Variants in CPQ observed in about 807,000 individuals in gnomAD.
CPQ encodes carboxypeptidase Q.
CPQ carries 37 observed loss-of-function variants against 45.7 expected under a neutral mutation model. The ratio of observed to expected loss-of-function variants is 0.81; its 90% confidence interval spans 0.62 to 1.07. The LOEUF (loss-of-function observed/expected upper bound fraction) is 1.07. Ranked by LOEUF, CPQ falls within the 50% of genes least tolerant of loss-of-function variation. The pLI, the probability that CPQ is intolerant of heterozygous loss-of-function variation, is 0.00. For synonymous variants in CPQ, 186 were observed against 205.8 expected, an observed-to-expected ratio of 0.90 and a Z score of 0.82; for missense variants, 537 against 572.9, an observed-to-expected ratio of 0.94 and a Z score of 0.64.
intron 6 of CPQ, among the ~76,000 whole-genome samples, chr8:97,056,109 C>T (rs9297274): frequency 0.021 from 2,757 of 133,432 alleles, 77 homozygotes; most frequent in African/African-American, 0.093. Context: ...AAAACACACA[C>T]ACACACACAC....
chr8:97,088,402 T>C (rs1465333178), intron 7 of CPQ, among the ~76,000 whole-genome samples: 2 of 152,352 alleles, frequency 1.3e-5, no homozygotes, highest in Admixed American at 1.3e-4. Context: ...TCATGTTGTT[T>C]GGTTCTATAT....
chr8:97,071,370 C>A (rs1475738484), intron 7 of CPQ, among the ~76,000 whole-genome samples: 4 of 152,118 alleles, frequency 2.6e-5, no homozygotes, highest in Non-Finnish European at 5.9e-5. Context: ...ATTTCATCTG[C>A]AAAATAAGTC....
intron 1 of CPQ, among the ~76,000 whole-genome samples, chr8:96,648,614 A>G (rs12677467): frequency 1.3e-5 from 2 of 152,206 alleles, no homozygotes; most frequent in Non-Finnish European, 1.5e-5. Flanking sequence ...ATGAATGAGA[A>G]CAAATCTAAA....
At chr8:96,744,162 G>T (rs549369703) in intron 1 of CPQ, among the ~76,000 whole-genome samples, 1 of 152,260 alleles carries the variant, frequency 6.6e-6, no homozygotes, top group Non-Finnish European at 1.5e-5. Flanking sequence ...AGCCAGGTGC[G>T]GGATATAATC....
intron 4 of CPQ, among the ~76,000 whole-genome samples, chr8:96,920,908 A>C (rs1347243730): frequency 6.6e-6 from 1 of 152,122 alleles, no homozygotes; most frequent in East Asian, 1.9e-4. Context: ...TGTTTAAGCC[A>C]CCCTGTCTGT....
At chr8:97,132,133 G>C (rs1164734670) in intron 7 of CPQ, among the ~76,000 whole-genome samples, 1 of 152,054 alleles carries the variant, frequency 6.6e-6, no homozygotes, top group Admixed American at 6.6e-5. Context: ...TTTTTTCCTA[G>C]ACTCTATGTG....
intron 4 of CPQ, among the ~76,000 whole-genome samples, chr8:96,895,167 A>C (rs1362735940): frequency 6.6e-6 from 1 of 152,188 alleles, no homozygotes; most frequent in Non-Finnish European, 1.5e-5. Flanking sequence ...TGGTGAAAAA[A>C]ACTATGCTTA....
At chr8:96,931,429 T>C (rs1812973719) in intron 4 of CPQ, among the ~76,000 whole-genome samples, 1 of 151,270 alleles carries the variant, frequency 6.6e-6, no homozygotes, top group Non-Finnish European at 1.5e-5. Context: ...TTGTTTTTTG[T>C]TTTTGTTTTT....
At chr8:96,904,525 G>A (rs997620162) in intron 4 of CPQ, among the ~76,000 whole-genome samples, 7 of 152,136 alleles carry the variant, frequency 4.6e-5, no homozygotes, top group Admixed American at 3.9e-4. Flanking sequence ...TCTGTCACCT[G>A]GTCCTCTGAC....
In CPQ at chr8:96,827,361, G is replaced by T. The variant is rs139535915; in HGVS notation, c.434-7612G>T. On this transcript the variant is annotated intron_variant, in intron 2 of 7. Transcript: ENST00000220763. The stretch of plus-strand genomic sequence containing the variant: ...CTTGGCTGCCAAGTAGACCCATGGA[G>T]CCTACTCCACTTTTCTGTCCAGCCT... Among the ~76,000 whole-genome samples, 451 of 152,062 alleles carry T rather than the reference G, an allele frequency of 3.0e-3. 1 individual carries two copies. The highest frequency in any genetic ancestry group is 0.01 in the African/African-American group (424 of 41,524).
intron 1 of CPQ, among the ~76,000 whole-genome samples, chr8:96,782,705 A>T (rs1219585965): frequency 6.6e-6 from 1 of 152,154 alleles, no homozygotes; most frequent in Non-Finnish European, 1.5e-5. Context: ...CCCTTAAATT[A>T]TGAATACTGT....
chr8:96,789,866 A>G (rs1188218027), intron 2 of CPQ, among the ~76,000 whole-genome samples: 1 of 152,128 alleles, frequency 6.6e-6, no homozygotes, highest in Non-Finnish European at 1.5e-5. Context: ...AGCTTGGGAA[A>G]TGTTTTCAAG....
intron 3 of CPQ, among the ~76,000 whole-genome samples, chr8:96,857,383 T>G (rs186421201): frequency 4.6e-5 from 7 of 152,324 alleles, no homozygotes; most frequent in African/African-American, 1.7e-4. Context: ...TCTCCTCTTA[T>G]GAAGTCATTT....
intron 5 of CPQ, among the ~76,000 whole-genome samples, chr8:96,983,023 G>C (rs1180247297): frequency 2.0e-5 from 3 of 152,134 alleles, no homozygotes; most frequent in African/African-American, 7.2e-5. Flanking sequence ...TAGTTCAGAA[G>C]AAATTAAAAG....
intron 4 of CPQ, among the ~76,000 whole-genome samples, chr8:96,953,101 A>G (rs529022384): frequency 1.8e-4 from 27 of 152,286 alleles, no homozygotes; most frequent in African/African-American, 6.5e-4. Flanking sequence ...TTCCAGTTGA[A>G]GAGCAGCATG....
chr8:97,071,621 T>C (rs1201496376), intron 7 of CPQ, among the ~76,000 whole-genome samples: 1 of 152,172 alleles, frequency 6.6e-6, no homozygotes. Flanking sequence ...AGCCTCCTAG[T>C]AATATCCCAA....
At chr8:96,846,186 C>T (rs1488790653) in intron 3 of CPQ, among the ~76,000 whole-genome samples, 1 of 152,192 alleles carries the variant, frequency 6.6e-6, no homozygotes, top group Non-Finnish European at 1.5e-5. Flanking sequence ...CTTCAGGCTG[C>T]TCCACATTCT....
At chr8:96,900,646 G>A (rs1586444053) in intron 4 of CPQ, among the ~76,000 whole-genome samples, 2 of 152,130 alleles carry the variant, frequency 1.3e-5, no homozygotes, top group African/African-American at 2.4e-5. Flanking sequence ...ACATAGTGCT[G>A]CTTATAAATG....
Position 96,702,007 on chromosome 8 carries a change from A to C in CPQ, c.-35+56605A>C, listed in dbSNP as rs2004122. On this transcript the variant is annotated intron_variant, in intron 1 of 7. Coordinates refer to ENST00000220763, the MANE Select transcript of CPQ (RefSeq NM_016134.4). ...ATTGTCAGTTTTTCATCTGGCTCCT[A>C]ATCTATTTCACTTTGTCTCAAGCTT... 1.4e-4 allele frequency among the ~76,000 whole-genome samples: 21 copies of C among 152,246 alleles called. No individual in the cohort carries two copies. In the East Asian group the frequency reaches 3.3e-3, roughly 24 times the overall value.
Sources: gnomAD v4.1 joint callset for allele counts (sites outside exome capture counted in the v4.1 genomes callset) on GRCh38, gnomAD v4.1.1 for gene constraint, MANE v1.5 for transcripts, NCBI Gene and HGNC (gene_info 2026-07-23, HGNC 2026-07-21) for gene names.